Variants in TAS2R1 observed in about 807,000 individuals in gnomAD.
TAS2R1 encodes taste 2 receptor member 1, also known as taste receptor type 2 member 1.
For missense variants in TAS2R1, 370 were observed against 353.4 expected, an observed-to-expected ratio of 1.05 and a Z score of -0.38; for synonymous variants, 141 against 134.2, an observed-to-expected ratio of 1.05 and a Z score of -0.35.
the TAS2R1 span, among the ~76,000 whole-genome samples, chr5:9,724,344 CTTT>C: frequency 1.9e-3 from 242 of 124,660 alleles, 1 homozygote; most frequent in African/African-American, 6.3e-3. Context: ...ATGTTTCTTT[CTTT>C]TTTTTTTTTT....
chr5:9,779,490 A>C, the TAS2R1 span, among the ~76,000 whole-genome samples: 22 of 152,310 alleles, frequency 1.4e-4, no homozygotes, highest in Non-Finnish European at 3.1e-4. Context: ...TGTCACTTGA[A>C]CACTTAGGGC....
At chr5:9,869,313 G>C in the TAS2R1 span, among the ~76,000 whole-genome samples, 2 of 152,182 alleles carry the variant, frequency 1.3e-5, no homozygotes, top group South Asian at 2.1e-4. Flanking sequence ...GCATGGCTGG[G>C]GAGGCCTCAC....
At chr5:9,635,998 G>A (rs1451175902) in intron 2 of TAS2R1, among the ~76,000 whole-genome samples, 1 of 151,344 alleles carries the variant, frequency 6.6e-6, no homozygotes, top group African/African-American at 2.4e-5. Flanking sequence ...GTTTGTTCTT[G>A]TTTCTCTAGT....
chr5:9,831,726 CCTT>C, the TAS2R1 span, among the ~76,000 whole-genome samples: 2 of 151,714 alleles, frequency 1.3e-5, no homozygotes, highest in Non-Finnish European at 2.9e-5. Flanking sequence ...AATATCAACT[CCTT>C]GTCTTTTCTC....
At chr5:9,870,237 G>C in the TAS2R1 span, 22 of 152,184 alleles carry the variant, frequency 1.4e-4, no homozygotes, top group African/African-American at 4.3e-4. Context: ...ACGTACAAAG[G>C]ATTCACACAT....
the TAS2R1 span, among the ~76,000 whole-genome samples, chr5:9,717,805 T>A: frequency 1.3e-5 from 2 of 152,128 alleles, no homozygotes; most frequent in African/African-American, 4.8e-5. Context: ...GGACATATAC[T>A]AGAAAAAAAT....
chr5:9,840,883 T>A, the TAS2R1 span, among the ~76,000 whole-genome samples: 42,119 of 108,274 alleles, frequency 0.39, 7,270 homozygotes, highest in African/African-American at 0.43. Flanking sequence ...TTTTTTTTTT[T>A]TTTTTTTTTT....
chr5:9,761,536 A>G, the TAS2R1 span, among the ~76,000 whole-genome samples: 1 of 152,212 alleles, frequency 6.6e-6, no homozygotes, highest in Non-Finnish European at 1.5e-5. Flanking sequence ...GATAGAAGAA[A>G]TTGCATTAGT....
intron 2 of TAS2R1, among the ~76,000 whole-genome samples, chr5:9,645,017 G>A (rs1001890368): frequency 6.6e-6 from 1 of 152,026 alleles, no homozygotes; most frequent in Admixed American, 6.6e-5. Context: ...TGTTATGCTG[G>A]ATTTATCAAA....
chr5:9,813,247 A>C, the TAS2R1 span, among the ~76,000 whole-genome samples: 1 of 152,320 alleles, frequency 6.6e-6, no homozygotes, highest in South Asian at 2.1e-4. Context: ...TCTTTTCCTC[A>C]CAGCCCTCAG....
chr5:9,892,613 G>A, the TAS2R1 span, among the ~76,000 whole-genome samples: 1 of 152,072 alleles, frequency 6.6e-6, no homozygotes, highest in Non-Finnish European at 1.5e-5. Context: ...CCAAGACTGA[G>A]AACCAGTTAT....
chr5:9,802,972 A>G, the TAS2R1 span, among the ~76,000 whole-genome samples: 1 of 152,334 alleles, frequency 6.6e-6, no homozygotes, highest in Non-Finnish European at 1.5e-5. Flanking sequence ...GAGAAAGGTG[A>G]AGTCCAACTT....
chr5:9,823,098 C>G, the TAS2R1 span, among the ~76,000 whole-genome samples: 2 of 148,216 alleles, frequency 1.3e-5, no homozygotes, highest in African/African-American at 5.0e-5. Context: ...TCAAGAATAA[C>G]TATAAAATGT....
At chr5:9,736,385 A>G in the TAS2R1 span, among the ~76,000 whole-genome samples, 17 of 152,232 alleles carry the variant, frequency 1.1e-4, no homozygotes, top group Non-Finnish European at 2.2e-4. Context: ...TCCAACCACA[A>G]GCCCCATCTG....
At chr5:9,842,765 C>T in the TAS2R1 span, among the ~76,000 whole-genome samples, 7 of 152,066 alleles carry the variant, frequency 4.6e-5, no homozygotes, top group Middle Eastern at 3.4e-3. Flanking sequence ...AAGCCTGAAA[C>T]CTTTACTGTT....
At chr5:9,708,555 T>A (rs892408084) in intron 1 of TAS2R1, among the ~76,000 whole-genome samples, 1 of 152,208 alleles carries the variant, frequency 6.6e-6, no homozygotes, top group African/African-American at 2.4e-5. Context: ...TGTCACATAC[T>A]ATTTATATGG....
the TAS2R1 span, among the ~76,000 whole-genome samples, chr5:9,790,093 C>T: frequency 6.6e-6 from 1 of 152,188 alleles, no homozygotes. Flanking sequence ...GCTCCTCTCA[C>T]ATGCAATGCA....
chr5:9,797,872 A>G, the TAS2R1 span, among the ~76,000 whole-genome samples: 8 of 152,370 alleles, frequency 5.3e-5, no homozygotes, highest in African/African-American at 1.9e-4. Flanking sequence ...ACATTAAACT[A>G]AAAACAGCAC....
At chr5:9,780,445 G>A in the TAS2R1 span, among the ~76,000 whole-genome samples, 1 of 152,254 alleles carries the variant, frequency 6.6e-6, no homozygotes, top group Admixed American at 6.5e-5. Flanking sequence ...GACAGAGCTG[G>A]GACCCCCTAC....
Sources: gnomAD v4.1 joint callset for allele counts (sites outside exome capture counted in the v4.1 genomes callset) on GRCh38, gnomAD v4.1.1 for gene constraint, MANE v1.5 for transcripts, NCBI Gene and HGNC (gene_info 2026-07-23, HGNC 2026-07-21) for gene names.